Variants in ASH1L observed in about 807,000 individuals in gnomAD.
The protein encoded by ASH1L is histone-lysine N-methyltransferase ASH1L.
Under a neutral mutation model 269.0 loss-of-function variants are expected in ASH1L, and 23 were observed. The ratio of observed to expected loss-of-function variants is 0.09; its 90% CI spans 0.06 to 0.12. The LOEUF (loss-of-function observed/expected upper bound fraction) is 0.12. Ranked by LOEUF, ASH1L falls within the 10% of genes least tolerant of loss-of-function variation. ASH1L has a pLI of 1.00. For synonymous variants in ASH1L, 1,187 were observed against 1,253.5 expected, an observed-to-expected ratio of 0.95 and a Z score of 1.12; for missense variants, 2,912 against 3,567.8, an observed-to-expected ratio of 0.82 and a Z score of 4.68.
intron 1 of ASH1L, among the ~76,000 whole-genome samples, chr1:155,529,032 A>AT (rs111295211): frequency 0.013 from 1,943 of 147,670 alleles, 44 homozygotes; most frequent in African/African-American, 0.045. Flanking sequence ...ACATGATCTC[A>AT]TTTTTTTTTT....
At position 155,349,594 on chromosome 1, in the gene ASH1L, A is replaced by T; in HGVS notation, c.7369T>A (p.Ser2457Thr). Residue 2457 changes from serine to threonine, a missense_variant and splice_region_variant, in exon 18 of 28, where the codon TCT (serine) becomes ACT (threonine). Around this residue, in one of 13 missense-constraint regions of ASH1L, gnomAD observed 309 missense variants for 435.1 expected, o/e 0.71. Transcript: ENST00000392403. ...GGAGCTGCCAGTGCTTGCCGGGAAG[A>T]ATCTGCAAAAGAATGTGAGGTTTAG... ...ICDGIISYKD[S>T]SRQALAAPLL... is the part of the protein sequence containing the mutation. 1 of 1,613,900 alleles carries T rather than the reference A, an allele frequency of 6.2e-7. No individual in the cohort carries two copies. The highest frequency in any genetic ancestry group is 8.5e-7 in the Non-Finnish European group (1 of 1,179,880).
intron 2 of ASH1L, among the ~76,000 whole-genome samples, chr1:155,484,187 T>G (rs1237143396): frequency 3.3e-5 from 5 of 152,114 alleles, no homozygotes. Context: ...ATCCCAGATC[T>G]CCAAATATTA....
intron 12 of ASH1L, among the ~76,000 whole-genome samples, chr1:155,362,395 T>C (rs1655044804): frequency 6.7e-6 from 1 of 150,236 alleles, no homozygotes; most frequent in South Asian, 2.1e-4. Flanking sequence ...CTTATCTTAA[T>C]ATATTAAAAA....
intron 1 of ASH1L, among the ~76,000 whole-genome samples, chr1:155,531,221 G>A (rs2148867193): frequency 6.6e-6 from 1 of 151,006 alleles, no homozygotes; most frequent in South Asian, 2.1e-4. Flanking sequence ...AAAAAGAATT[G>A]CTTTTATATT....
At position 155,535,008 on chromosome 1, in the gene ASH1L, T is replaced by C. The variant is rs117618834; in HGVS notation, c.-99-13390A>G. Among the ~76,000 whole-genome samples, 127 of 152,100 alleles carry C rather than the reference T, an allele frequency of 8.3e-4. No homozygotes were observed. In the East Asian group the frequency reaches 0.024, roughly 28 times the overall value. On this transcript the variant is annotated intron_variant, in intron 1 of 27. Transcript: ENST00000392403. ...AGCAAGACCAGCCTAGCCAACACAG[T>C]GAAACTCTTTTCTCTACTAAAAATA... is the stretch of plus-strand genomic sequence containing the variant.
At chr1:155,503,446 G>A (rs1336413112) in intron 2 of ASH1L, among the ~76,000 whole-genome samples, 2 of 152,110 alleles carry the variant, frequency 1.3e-5, no homozygotes, top group Non-Finnish European at 2.9e-5. Context: ...AATATACATA[G>A]TAAATTAGGA....
intron 10 of ASH1L, among the ~76,000 whole-genome samples, chr1:155,377,602 C>T (rs1656571376): frequency 6.6e-6 from 1 of 151,884 alleles, no homozygotes; most frequent in Non-Finnish European, 1.5e-5. Flanking sequence ...AACCCCAAAA[C>T]AAGAAAGCCA....
In ASH1L at chr1:155,388,715, C is replaced by CTTTTTTTT. The variant is rs142537672; in HGVS notation, c.6103+6736_6103+6743dup. Among the ~76,000 whole-genome samples the CTTTTTTTT allele has an allele frequency of 4.1e-3, 538 of 131,622 alleles. 12 individuals are homozygous for CTTTTTTTT. The highest frequency in any genetic ancestry group is 0.016 in the African/African-American group (519 of 33,300). 86.3% of individuals were successfully genotyped at this position (131,622 alleles called of 152,430 possible). ...GGTCTATGTGTCCTGAATTGCGATT[C>CTTTTTTTT]TTTTTTTTTTTTTTTTTCATAGAAA... On this transcript the variant is annotated intron_variant, in intron 7 of 27. Transcript: ENST00000392403.
intron 6 of ASH1L, among the ~76,000 whole-genome samples, chr1:155,415,524 T>G (rs965470980): frequency 1.8e-4 from 28 of 152,156 alleles, no homozygotes; most frequent in African/African-American, 2.4e-5. Context: ...ACACTGGTAT[T>G]TGTGCATATT....
At chr1:155,491,381 A>C (rs1666773613) in intron 2 of ASH1L, among the ~76,000 whole-genome samples, 1 of 151,922 alleles carries the variant, frequency 6.6e-6, no homozygotes. Context: ...GACTACAGGT[A>C]TGAGCCACTG....
At position 155,343,075 on chromosome 1, in the gene ASH1L, G is replaced by A. The variant is rs1411714647; in HGVS notation, c.8293+239C>T. On this transcript the variant is annotated intron_variant, in intron 24 of 27. Transcript: ENST00000392403. The surrounding 1 kb of genome is among the most constrained non-coding windows in gnomAD (Gnocchi z 6.1). ...TGCACAGGTTGGAGTGCAGTGGTGC[G>A]ATCTTGGCTCACTGCAACCTCTGCC... The A allele has an allele frequency of 3.6e-5, 15 of 416,144 alleles. No individual in the cohort carries two copies. Among genetic ancestry groups the A allele is most frequent in the South Asian group, 1.2e-4 (3 of 25,768 alleles). The allele number at this position is 416,144 out of a possible 1,614,324, so 25.8% of individuals were successfully genotyped here. A position where few individuals can be genotyped will look rare whatever the true frequency, so the allele number is the denominator to read the frequency against.
At chr1:155,372,158 A>AT (rs1201311545) in intron 10 of ASH1L, among the ~76,000 whole-genome samples, 5 of 140,210 alleles carry the variant, frequency 3.6e-5, no homozygotes, top group African/African-American at 1.3e-4. Flanking sequence ...CACCCGGGTA[A>AT]TTTTTGTATT....
chr1:155,551,233 A>G (rs1017469467), intron 1 of ASH1L, among the ~76,000 whole-genome samples: 18 of 151,084 alleles, frequency 1.2e-4, no homozygotes, highest in Non-Finnish European at 1.0e-4. Context: ...TAACTATCCA[A>G]TGGAATGCCT....
At chr1:155,379,710 G>A (rs78062538) in intron 8 of ASH1L, among the ~76,000 whole-genome samples, 24 of 152,246 alleles carry the variant, frequency 1.6e-4, no homozygotes, top group African/African-American at 5.8e-4. Context: ...ATTTCTTAGT[G>A]CTGCTGGCAG....
In ASH1L at chr1:155,338,157, C is replaced by T. The variant is rs754089160; in HGVS notation, c.8735G>A (p.Arg2912Gln). The change falls in exon 27 of 28, where the codon CGG (arginine) becomes CAG (glutamine). Residue 2912 changes from arginine (R) to glutamine (Q), a missense_variant. By Grantham distance (43) the Arg-to-Gln change is conservative. Around this residue, in one of 13 missense-constraint regions of ASH1L, gnomAD observed 154 missense variants for 165.0 expected, o/e 0.93. Coordinates refer to ENST00000392403, the MANE Select transcript of ASH1L (RefSeq NM_018489.3). ...GTTGAGTCGTTCCCGTTGGTTATGC[C>T]GTCGTTCCTCAGGGGTACAGGTTGA... is the stretch of plus-strand genomic sequence containing the variant. The part of the protein sequence containing the change: ...PQSTCTPEER[R>Q]HNQRERLNQI... 5.0e-6 allele frequency: 8 copies of T among 1,614,024 alleles called. No homozygotes were observed. Among genetic ancestry groups the T allele is most frequent in the Admixed American group, 3.3e-5 (2 of 59,982 alleles).
At chr1:155,495,999 T>C (rs1667130007) in intron 2 of ASH1L, among the ~76,000 whole-genome samples, 1 of 151,992 alleles carries the variant, frequency 6.6e-6, no homozygotes, top group Admixed American at 6.6e-5. Context: ...ACTGTCTCAA[T>C]TAAAAAAAAA....
rs1165897089 is a variant in ASH1L at position 155,338,369 on chromosome 1, G to A, written c.8523C>T (p.Arg2841=). 3 of 1,613,362 alleles carry A rather than the reference G, an allele frequency of 1.9e-6. No homozygotes were observed. Among genetic ancestry groups the A allele is most frequent in the Admixed American group, 3.3e-5 (2 of 59,936 alleles). ...NGGRSSWKSE[R]SKPPLKDLGQ... ...CCAAGTCTTTTAGGGGTGGCTTTGA[G>A]CGCTCAGACTTCCAGGATGATCTGC... The change falls in exon 27 of 28, where the codon CGC becomes CGT. Residue 2841 remains arginine (R), a synonymous_variant. Coordinates refer to ENST00000392403, the MANE Select transcript of ASH1L (RefSeq NM_018489.3).
At position 155,479,643 on chromosome 1, in the gene ASH1L, G is replaced by A; in HGVS notation, c.3227C>T (p.Thr1076Ile). Residue 1076 changes from threonine (T) to isoleucine (I), a missense_variant, in exon 3 of 28, where the codon ACA becomes ATA. This residue lies in a region of ASH1L where 157 missense variants were observed against 154.6 expected (regional missense o/e 1.02). Transcript: ENST00000392403. ...TGCTGACCCAGCTGCCTGTTGAGCT[G>A]TTTGCTCAAGAACAGCAAGGCTAGT... Reference protein sequence around the residue: ...SPTSLAVLEQTAQQAAGSALG... With the variant: ...SPTSLAVLEQIAQQAAGSALG... 6.2e-7 allele frequency: 1 copy of A among 1,614,190 alleles called. No homozygotes were observed. The highest frequency in any genetic ancestry group is 8.5e-7 in the Non-Finnish European group (1 of 1,180,018).
At chr1:155,487,434 GTGACC>G (rs1666402745) in intron 2 of ASH1L, among the ~76,000 whole-genome samples, 1 of 152,018 alleles carries the variant, frequency 6.6e-6, no homozygotes. Flanking sequence ...CTGGAGTGCA[GTGACC>G]TGATTCTAAC....
Sources: allele counts gnomAD v4.1 joint callset (sites outside exome capture counted in the v4.1 genomes callset), GRCh38; gene constraint gnomAD v4.1.1; regional missense constraint gnomAD v4.1.1; non-coding constraint Gnocchi (gnomAD v3.1); transcripts MANE v1.5; gene names NCBI Gene and HGNC (gene_info 2026-07-23, HGNC 2026-07-21).